GIT2: variants seen among roughly 807,000 people sequenced by gnomAD.
GIT2 encodes ARF GTPase-activating protein GIT2.
GIT2 carries 32 observed loss-of-function variants against 100.3 expected under a neutral mutation model. The ratio of observed to expected loss-of-function variants is 0.32; its 90% CI spans 0.24 to 0.43. The LOEUF (loss-of-function observed/expected upper bound fraction) is 0.43, where lower values mean the gene tolerates loss of function less well. Among genes scored for constraint, GIT2 ranks in the 20% least tolerant of loss-of-function variants. The probability of loss-of-function intolerance (pLI) is 1.00; values close to 1 mark genes in which losing one functional copy is unlikely to be tolerated. For synonymous variants in GIT2, 353 were observed against 364.1 expected (o/e 0.97, Z 0.35); for missense variants, 737 against 975.1 (o/e 0.76, Z 3.25).
intron 7 of GIT2, among the ~76,000 whole-genome samples, chr12:109,977,353 A>C (rs1449889309): frequency 6.6e-6 from 1 of 152,084 alleles, no homozygotes; most frequent in Non-Finnish European, 1.5e-5. Flanking sequence ...TCTACAAAAA[A>C]TACAAAAGTT....
At chr12:109,935,434 G>A (rs1872706798) in intron 18 of GIT2, among the ~76,000 whole-genome samples, 1 of 152,138 alleles carries the variant, frequency 6.6e-6, no homozygotes, top group Non-Finnish European at 1.5e-5. Flanking sequence ...CGCTCAGGCT[G>A]GAGTGCAGTG....
rs1200180000 is a variant in GIT2, at chr12:109,930,165, A to C, written c.*2813T>G. The C allele has an allele frequency of 3.3e-5, 5 of 152,598 alleles. No homozygotes were observed. Among genetic ancestry groups the C allele is most frequent in the Admixed American group, 3.3e-4 (5 of 15,266 alleles). 9.5% of individuals were successfully genotyped at this position (152,598 alleles called of 1,614,324 possible). A position where few individuals can be genotyped will look rare whatever the true frequency, so the allele number is the denominator to read the frequency against. On this transcript the variant is annotated 3_prime_UTR_variant, in exon 20 of 20. Transcript: ENST00000355312. ...TGCGTTTAGAATTCTGATTACATGA[A>C]ATGCTGTGTTTGATCTTTGGGCCCA...
In GIT2 at chr12:109,947,345, T is replaced by C. The variant is rs1206845713; in HGVS notation, c.1552A>G (p.Thr518Ala). The C allele has an allele frequency of 3.1e-6, 5 of 1,614,124 alleles. No homozygotes were observed. Among genetic ancestry groups the C allele is most frequent in the Non-Finnish European group, 4.2e-6 (5 of 1,179,958 alleles). Reference protein sequence around the residue: ...RGSRPMSMYETGSGQKPYLPM... With the variant: ...RGSRPMSMYEAGSGQKPYLPM... ...AGATATGGTTTCTGACCTGATCCGGTCTCGTACATGGACATGGGCCTACTG... is the reference window on the plus strand; with the variant it reads ...AGATATGGTTTCTGACCTGATCCGGCCTCGTACATGGACATGGGCCTACTG... The change falls in exon 15 of 20, where the codon ACC becomes GCC. Residue 518 changes from threonine (T) to alanine (A), a missense_variant. By Grantham distance (58) the Thr-to-Ala change is moderately conservative. This residue lies in a region of GIT2 where 451 missense variants were observed against 543.7 expected (regional missense o/e 0.83). Coordinates refer to ENST00000355312, the MANE Select transcript of GIT2 (RefSeq NM_057169.5). The surrounding 1 kb of genome is among the most constrained non-coding windows in gnomAD (Gnocchi z 4.3).
chr12:109,948,242 C>T lies in GIT2; in HGVS notation c.1393-738G>A, dbSNP rs575134972. On this transcript the variant is annotated intron_variant, in intron 14 of 19. Transcript: ENST00000355312. This position sits in a 1 kb window ranked among gnomAD's most constrained non-coding sequence, Gnocchi z 4.3. ...TTGACATCTTCGCATGGATGCTCCA[C>T]GCAGCACGCTTGCTTCCGTCTGGTG... 1.4e-5 allele frequency: 14 copies of T among 985,736 alleles called. No individual in the cohort carries two copies. The highest frequency in any genetic ancestry group is 1.7e-5 in the Non-Finnish European group (14 of 830,190). 61.1% of individuals were successfully genotyped at this position (985,736 alleles called of 1,614,324 possible).
intron 12 of GIT2, 74 bp downstream of exon 12, chr12:109,959,773 A>G (rs961773989): frequency 3.6e-6 from 3 of 841,090 alleles, no homozygotes; most frequent in Non-Finnish European, 6.0e-6. Context: ...TGCTTTAATT[A>G]GTTTATAACT....
chr12:109,966,427 T>C (rs569457094), intron 8 of GIT2, among the ~76,000 whole-genome samples: 3 of 145,034 alleles, frequency 2.1e-5, no homozygotes, highest in African/African-American at 7.7e-5. Context: ...GAGAATTGCT[T>C]GAACCTGGGA....
At chr12:109,968,424 A>G (rs1170029832) in intron 7 of GIT2, among the ~76,000 whole-genome samples, 1 of 151,686 alleles carries the variant, frequency 6.6e-6, no homozygotes, top group Non-Finnish European at 1.5e-5. Context: ...TTAATTAATT[A>G]ACTTATTTAT....
At chr12:109,939,025 T>C in intron 17 of GIT2, 140 bp downstream of exon 17, 1 of 648,142 alleles carries the variant, frequency 1.5e-6, no homozygotes, top group South Asian at 1.8e-5. Context: ...TACGAGCGTA[T>C]GCTTGAATAC....
chr12:109,967,278 C>CT, intron 8 of GIT2, 180 bp downstream of exon 8: 1 of 1,532,432 alleles, frequency 6.5e-7, no homozygotes, highest in South Asian at 1.2e-5. Flanking sequence ...TACTTGTGCT[C>CT]TTTGAAACTT....
chr12:109,990,234 A>C (rs1888127125), intron 2 of GIT2, among the ~76,000 whole-genome samples: 1 of 152,246 alleles, frequency 6.6e-6, no homozygotes, highest in African/African-American at 2.4e-5. Flanking sequence ...CAGTAAAATA[A>C]TGTAACCATT....
chr12:109,955,593 C>T (rs564151577), intron 12 of GIT2, among the ~76,000 whole-genome samples: 6 of 152,336 alleles, frequency 3.9e-5, no homozygotes, highest in Admixed American at 6.5e-5. Context: ...TCATGGCCAA[C>T]GGCACTATAA....
intron 7 of GIT2, among the ~76,000 whole-genome samples, chr12:109,973,245 A>C (rs1269918926): frequency 3.9e-5 from 6 of 151,934 alleles, no homozygotes; most frequent in Non-Finnish European, 8.8e-5. Context: ...GGTTTAAGCG[A>C]TTTTCCTGCC....
chr12:109,950,097 A>G lies in GIT2; in HGVS notation c.1392+1070T>C, dbSNP rs566197572. On this transcript the variant is annotated intron_variant, in intron 14 of 19. Transcript: ENST00000355312. ...GAGCCATTTATTTCAAAAAGTCTCA[A>G]AAATGCTCTAGAAGTCAACATCAAA... Among the ~76,000 whole-genome samples the G allele has an allele frequency of 1.6e-3, 242 of 152,334 alleles. 2 individuals carry two copies. In the South Asian group the frequency reaches 0.018, roughly 11 times the overall value.
chr12:109,973,880 A>G (rs1180464790), intron 7 of GIT2, among the ~76,000 whole-genome samples: 2 of 151,820 alleles, frequency 1.3e-5, no homozygotes, highest in Non-Finnish European at 2.9e-5. Context: ...CATCTCTACT[A>G]AAAATACAAA....
chr12:109,947,270 G>T lies in GIT2; in HGVS notation c.1627C>A (p.Pro543Thr). 1 of 1,613,730 alleles carries T rather than the reference G, an allele frequency of 6.2e-7. No homozygotes were observed. Among genetic ancestry groups the T allele is most frequent in the Non-Finnish European group, 8.5e-7 (1 of 1,179,724 alleles). The change falls in exon 15 of 20, where the codon CCC (proline) becomes ACC (threonine). Residue 543 changes from proline to threonine, a missense_variant. By Grantham distance (38) the Pro-to-Thr change is conservative. Coordinates refer to ENST00000355312, the MANE Select transcript of GIT2 (RefSeq NM_057169.5). The surrounding 1 kb of genome is among the most constrained non-coding windows in gnomAD (Gnocchi z 4.3). ...GTGTTACTTACGTGCGCGGGGAAGG[G>T]CTGGAGTCTCATCCTGCTCTCTTCG... ...RPEESRMRLQ[P>T]FPAHIGRSAL...
chr12:109,957,728 G>A (rs977657732), intron 12 of GIT2, among the ~76,000 whole-genome samples: 5 of 151,876 alleles, frequency 3.3e-5, no homozygotes, highest in South Asian at 2.1e-4. Flanking sequence ...GGATGGTCTC[G>A]ATCTCCTGAA....
Position 109,991,682 on chromosome 12 carries a change from T to A in GIT2, c.131A>T (p.His44Leu). ...TTTCAGATGCCTCACTTGGGAGATA[T>A]GGCGCCCTAGACTCCGATGGACACT... ...CCSVHRSLGR[H>L]ISQVRHLKHT... Residue 44 changes from histidine to leucine, a missense_variant, in exon 2 of 20, where the codon CAT (histidine) becomes CTT (leucine). Transcript: ENST00000355312. 4 of 1,613,134 alleles carry A rather than the reference T, an allele frequency of 2.5e-6. No individual in the cohort carries two copies. Among genetic ancestry groups the A allele is most frequent in the Non-Finnish European group, 3.4e-6 (4 of 1,179,118 alleles).
chr12:109,971,554 C>T lies in GIT2; in HGVS notation c.719-4051G>A, dbSNP rs577337320. Among the ~76,000 whole-genome samples, 42 of 151,110 alleles carry T rather than the reference C, an allele frequency of 2.8e-4. 1 individual carries two copies. In the South Asian group the frequency reaches 8.8e-3, roughly 32 times the overall value. On this transcript the variant is annotated intron_variant, in intron 7 of 19. Coordinates refer to ENST00000355312, the MANE Select transcript of GIT2 (RefSeq NM_057169.5). ...TTAACCAGGCTGGTATCGAACTCGA[C>T]CTCAGGTGACCCACCCCCTTCTGCC...
At chr12:109,993,863 T>C (rs1463573707) in intron 1 of GIT2, among the ~76,000 whole-genome samples, 1 of 142,778 alleles carries the variant, frequency 7.0e-6, no homozygotes, top group East Asian at 2.0e-4. Flanking sequence ...CCAGATTCAT[T>C]AAAAAAAAAA....
Sources: allele counts gnomAD v4.1 joint callset (sites outside exome capture counted in the v4.1 genomes callset), GRCh38; gene constraint gnomAD v4.1.1; regional missense constraint gnomAD v4.1.1; non-coding constraint Gnocchi (gnomAD v3.1); transcripts MANE v1.5; gene names NCBI Gene and HGNC (gene_info 2026-07-23, HGNC 2026-07-21).